Variants in MAN2A1 observed in about 807,000 individuals in gnomAD.
MAN2A1 encodes alpha-mannosidase 2.
Under a neutral mutation model 142.6 loss-of-function variants are expected in MAN2A1, and 76 were observed. The ratio of observed to expected loss-of-function variants is 0.53; its 90% CI spans 0.44 to 0.65. The LOEUF (loss-of-function observed/expected upper bound fraction) is 0.65. Among genes scored for constraint, MAN2A1 ranks in the 30% least tolerant of loss-of-function variants. The pLI is 0.00. For synonymous variants in MAN2A1, 559 were observed against 473.2 expected (o/e 1.18, Z -2.35); for missense variants, 1,311 against 1,365.1 (o/e 0.96, Z 0.62).
In MAN2A1 at chr5:109,849,330, T is replaced by C. The variant is rs551072999; in HGVS notation, c.2976+1540T>C. ...TGTCTGACCTCCTGATTTATCTATCTAATTGCTTCCTGATATTCTCTGTTT... is the reference window on the plus strand; with the variant it reads ...TGTCTGACCTCCTGATTTATCTATCCAATTGCTTCCTGATATTCTCTGTTT... On this transcript the variant is annotated intron_variant, in intron 19 of 21. Coordinates refer to ENST00000261483, the MANE Select transcript of MAN2A1 (RefSeq NM_002372.4). Among the ~76,000 whole-genome samples, 3 of 152,302 alleles carry C rather than the reference T, an allele frequency of 2.0e-5. 1 individual carries two copies. In the South Asian group the frequency reaches 6.2e-4, roughly 32 times the overall value.
chr5:109,732,132 A>T (rs1417993617), intron 4 of MAN2A1, among the ~76,000 whole-genome samples: 1 of 150,618 alleles, frequency 6.6e-6, no homozygotes, highest in Non-Finnish European at 1.5e-5. Flanking sequence ...GCATTTTTTC[A>T]TGTGTTTTTT....
At chr5:109,852,102 C>CT (rs541913737) in intron 19 of MAN2A1, among the ~76,000 whole-genome samples, 26 of 148,500 alleles carry the variant, frequency 1.8e-4, no homozygotes, top group African/African-American at 6.2e-4. Context: ...TTTGAGGTTG[C>CT]TTTTTTATTA....
intron 12 of MAN2A1, among the ~76,000 whole-genome samples, chr5:109,791,672 G>T (rs1753740641): frequency 6.6e-6 from 1 of 151,840 alleles, no homozygotes; most frequent in South Asian, 2.1e-4. Context: ...GGTTTTTGGG[G>T]ATTTGAAGAA....
intron 12 of MAN2A1, among the ~76,000 whole-genome samples, chr5:109,806,932 G>A (rs1228117900): frequency 6.6e-6 from 1 of 152,154 alleles, no homozygotes; most frequent in African/African-American, 2.4e-5. Context: ...AGAAAGGTGT[G>A]AAATAAACTT....
At chr5:109,759,490 C>A (rs1331408246) in intron 5 of MAN2A1, among the ~76,000 whole-genome samples, 2 of 152,096 alleles carry the variant, frequency 1.3e-5, no homozygotes. Flanking sequence ...TATTATTAAT[C>A]CAGTTTCCTG....
At chr5:109,710,248 A>G (rs2112557449) in intron 1 of MAN2A1, among the ~76,000 whole-genome samples, 1 of 152,204 alleles carries the variant, frequency 6.6e-6, no homozygotes, top group African/African-American at 2.4e-5. Flanking sequence ...TCCTTTTTTC[A>G]TGAACTAACT....
At chr5:109,691,634 A>G (rs536870301) in intron 1 of MAN2A1, among the ~76,000 whole-genome samples, 52 of 152,364 alleles carry the variant, frequency 3.4e-4, no homozygotes, top group African/African-American at 1.2e-3. Context: ...AATTGAGATT[A>G]AAGTAAAAAC....
intron 13 of MAN2A1, among the ~76,000 whole-genome samples, chr5:109,817,802 G>A (rs879259506): frequency 1.4e-4 from 21 of 151,966 alleles, no homozygotes; most frequent in Non-Finnish European, 2.4e-4. Flanking sequence ...TATGCATATC[G>A]AAAGTGAGAT....
chr5:109,777,624 TTTTG>T (rs1753331357), intron 8 of MAN2A1, among the ~76,000 whole-genome samples: 1 of 152,088 alleles, frequency 6.6e-6, no homozygotes, highest in Admixed American at 6.6e-5. Context: ...TTTGAAAAAT[TTTTG>T]TTTATCATTT....
At chr5:109,840,316 A>G (rs1057255007) in intron 16 of MAN2A1, 10 of 330,332 alleles carry the variant, frequency 3.0e-5, no homozygotes, top group African/African-American at 8.9e-5. Flanking sequence ...GACATTTTAT[A>G]TCAGCATTAA....
chr5:109,825,395 T>C (rs1754729352), intron 16 of MAN2A1, among the ~76,000 whole-genome samples: 1 of 152,230 alleles, frequency 6.6e-6, no homozygotes, highest in Non-Finnish European at 1.5e-5. Context: ...TATTTAGAGA[T>C]GGGCTATGTC....
chr5:109,768,530 C>T (rs1247152385), intron 6 of MAN2A1, among the ~76,000 whole-genome samples: 8 of 152,108 alleles, frequency 5.3e-5, no homozygotes, highest in African/African-American at 1.9e-4. Context: ...AGGCTCCTAA[C>T]CTCTGTCATT....
At chr5:109,794,878 C>A (rs994012431) in intron 12 of MAN2A1, among the ~76,000 whole-genome samples, 2 of 151,972 alleles carry the variant, frequency 1.3e-5, no homozygotes, top group African/African-American at 2.4e-5. Flanking sequence ...TATGTGTTAA[C>A]TCTGATTTTT....
chr5:109,783,944 C>T (rs76869986), intron 9 of MAN2A1, among the ~76,000 whole-genome samples: 3,052 of 151,940 alleles, frequency 0.02, 36 homozygotes, highest in Middle Eastern at 0.075. Flanking sequence ...TAGTTCACTG[C>T]GGCCTCAAAC....
At chr5:109,710,408 A>G (rs1475712540) in intron 1 of MAN2A1, among the ~76,000 whole-genome samples, 3 of 152,240 alleles carry the variant, frequency 2.0e-5, no homozygotes, top group Non-Finnish European at 2.9e-5. Flanking sequence ...TGGCTCTAAA[A>G]TGATCTTTTC....
intron 16 of MAN2A1, among the ~76,000 whole-genome samples, chr5:109,838,016 A>G (rs1261927066): frequency 6.6e-6 from 1 of 152,032 alleles, no homozygotes; most frequent in African/African-American, 2.4e-5. Flanking sequence ...ATGGTGTGTA[A>G]GACAGTCTGT....
At chr5:109,787,009 A>AT (rs1753612603) in intron 10 of MAN2A1, among the ~76,000 whole-genome samples, 1 of 152,050 alleles carries the variant, frequency 6.6e-6, no homozygotes, top group South Asian at 2.1e-4. Flanking sequence ...GAATGTGTAT[A>AT]TAGTTACAAA....
chr5:109,758,743 A>G (rs1752759363), intron 5 of MAN2A1, among the ~76,000 whole-genome samples: 1 of 149,762 alleles, frequency 6.7e-6, no homozygotes, highest in African/African-American at 2.4e-5. Flanking sequence ...TATTAACTAA[A>G]ATATTAATTT....
intron 12 of MAN2A1, among the ~76,000 whole-genome samples, chr5:109,800,157 A>G (rs1334303503): frequency 6.6e-6 from 1 of 151,758 alleles, no homozygotes; most frequent in Non-Finnish European, 1.5e-5. Flanking sequence ...ACACACAGAC[A>G]TGCACATGCA....
Sources: allele counts gnomAD v4.1 joint callset (sites outside exome capture counted in the v4.1 genomes callset), GRCh38; gene constraint gnomAD v4.1.1; transcripts MANE v1.5; gene names NCBI Gene and HGNC (gene_info 2026-07-23, HGNC 2026-07-21).